The following TOR1AIP1 variants were observed in gnomAD, a reference collection of about 807,000 sequenced individuals.
TOR1AIP1 encodes the protein torsin-1A-interacting protein 1.
TOR1AIP1 carries 54 observed loss-of-function variants against 63.3 expected under a neutral mutation model. The ratio of observed to expected loss-of-function variants is 0.85; its 90% CI spans 0.69 to 1.07. The LOEUF is 1.07. Among genes scored for constraint, TOR1AIP1 ranks in the 50% least tolerant of loss-of-function variants. The pLI, the probability that TOR1AIP1 is intolerant of heterozygous loss-of-function variation, is 0.00. For missense variants in TOR1AIP1, 736 were observed against 715.0 expected (o/e 1.03, Z -0.33); for synonymous variants, 294 against 273.5 (o/e 1.07, Z -0.74).
chr1:179,916,344 C>T (rs941284320), intron 9 of TOR1AIP1, among the ~76,000 whole-genome samples: 1 of 152,154 alleles, frequency 6.6e-6, no homozygotes, highest in Non-Finnish European at 1.5e-5. Flanking sequence ...CCCCCCTCCC[C>T]ACAAAATAGG....
chr1:179,887,866 T>G (rs1558038898), intron 2 of TOR1AIP1: 1 of 152,224 alleles, frequency 6.6e-6, no homozygotes, highest in Admixed American at 6.5e-5. Context: ...AGATAATTAT[T>G]GAGCACCTAC....
Position 179,882,515 on chromosome 1 carries a change from G to T in TOR1AIP1, c.13G>T (p.Gly5Trp), listed in dbSNP as rs1571718497. The T allele has an allele frequency of 2.6e-5, 38 of 1,453,938 alleles. No homozygotes were observed. Among genetic ancestry groups the T allele is most frequent in the Non-Finnish European group, 3.2e-5 (35 of 1,103,214 alleles). 90.1% of individuals were successfully genotyped at this position (1,453,938 alleles called of 1,614,324 possible). A position where few individuals can be genotyped will look rare whatever the true frequency, so the allele number is the denominator to read the frequency against. MAGD[G>W]RRAEAVREGW... ...TACGTCAACAACTATGGCGGGCGAC[G>T]GGCGGCGGGCAGAGGCGGTGCGGGA... is the stretch of plus-strand genomic sequence containing the variant. Residue 5 changes from glycine to tryptophan, a missense_variant, in exon 1 of 10, where the codon GGG (glycine) becomes TGG (tryptophan). Transcript: ENST00000606911.
At chr1:179,899,938 C>T (rs1436100621) in intron 3 of TOR1AIP1, among the ~76,000 whole-genome samples, 188 bp from the exon 4 acceptor site, 1 of 152,230 alleles carries the variant, frequency 6.6e-6, no homozygotes, top group African/African-American at 2.4e-5. Context: ...AGCCACTGCA[C>T]CCGGCCAATT....
At position 179,882,619 on chromosome 1, in the gene TOR1AIP1, C is replaced by T; in HGVS notation, c.117C>T (p.Ser39=). The part of the protein sequence containing the change: ...RGRLAPQNGG[S]SDAPAYRTPP... ...GGCTCGCCCCTCAAAATGGCGGCAG[C>T]AGCGATGCGCCTGCGTACAGAACTC... The change falls in exon 1 of 10, where the codon AGC becomes AGT. Residue 39 remains serine (S), a synonymous_variant. Coordinates refer to ENST00000606911, the MANE Select transcript of TOR1AIP1 (RefSeq NM_015602.4). 6.5e-7 allele frequency: 1 copy of T among 1,530,342 alleles called. No individual in the cohort carries two copies. Among genetic ancestry groups the T allele is most frequent in the Non-Finnish European group, 8.8e-7 (1 of 1,141,618 alleles). 94.8% of individuals were successfully genotyped at this position (1,530,342 alleles called of 1,614,324 possible).
chr1:179,902,768 G>A (rs1390561453), intron 5 of TOR1AIP1, among the ~76,000 whole-genome samples: 3 of 152,098 alleles, frequency 2.0e-5, no homozygotes, highest in Non-Finnish European at 2.9e-5. Flanking sequence ...TGTTGTGGGG[G>A]TTAAATTAAT....
chr1:179,916,668 G>C (rs761724569), intron 9 of TOR1AIP1, among the ~76,000 whole-genome samples: 1 of 148,826 alleles, frequency 6.7e-6, no homozygotes, highest in South Asian at 2.1e-4. Flanking sequence ...ATTATAACAC[G>C]TAGAAGATGT....
Position 179,882,614 on chromosome 1 carries a change from G to GGCA in TOR1AIP1, c.118_120dup (p.Ser40dup). On this transcript the variant is annotated inframe_insertion, in exon 1 of 10. Transcript: ENST00000606911. ...GGGCCGGCTCGCCCCTCAAAATGGC[G>GGCA]GCAGCAGCGATGCGCCTGCGTACAG... is the stretch of plus-strand genomic sequence containing the variant. 6.5e-7 allele frequency: 1 copy of GGCA among 1,529,334 alleles called. No homozygotes were observed. The highest frequency in any genetic ancestry group is 1.8e-4 in the Middle Eastern group (1 of 5,570). 94.7% of individuals were successfully genotyped at this position (1,529,334 alleles called of 1,614,324 possible). A position where few individuals can be genotyped will look rare whatever the true frequency, so the allele number is the denominator to read the frequency against.
chr1:179,914,820 A>C (rs1448482796), intron 9 of TOR1AIP1, among the ~76,000 whole-genome samples: 6 of 151,858 alleles, frequency 4.0e-5, no homozygotes, highest in African/African-American at 1.2e-4. Flanking sequence ...AAAATAGATT[A>C]ATGATGATTC....
intron 3 of TOR1AIP1, among the ~76,000 whole-genome samples, chr1:179,895,631 G>A (rs1182324706): frequency 1.3e-5 from 2 of 152,130 alleles, no homozygotes; most frequent in African/African-American, 4.8e-5. Context: ...CGGGCACGGT[G>A]TCTCACACCT....
chr1:179,901,774 A>T (rs908170677), intron 5 of TOR1AIP1, among the ~76,000 whole-genome samples: 43 of 152,110 alleles, frequency 2.8e-4, no homozygotes, highest in African/African-American at 1.0e-3. Flanking sequence ...GGATTTTCAA[A>T]TTCAAACCAA....
rs558324422 is a variant in TOR1AIP1, at chr1:179,897,165, C to G, written c.611-2961C>G. On this transcript the variant is annotated intron_variant, in intron 3 of 9. Coordinates refer to ENST00000606911, the MANE Select transcript of TOR1AIP1 (RefSeq NM_015602.4). ...AATTCTAAAAAAGGATCTTTAGTCACTAGATTAAATCCAGAAGTCTGAAAA... is the reference window on the plus strand; with the variant it reads ...AATTCTAAAAAAGGATCTTTAGTCAGTAGATTAAATCCAGAAGTCTGAAAA... 2.6e-5 allele frequency among the ~76,000 whole-genome samples: 4 copies of G among 152,114 alleles called. No homozygotes were observed. In the South Asian group the frequency reaches 8.3e-4, roughly 32 times the overall value.
chr1:179,913,947 C>G, intron 8 of TOR1AIP1, 51 bp from the exon 9 acceptor site: 2 of 1,505,582 alleles, frequency 1.3e-6, no homozygotes, highest in Non-Finnish European at 1.8e-6. Flanking sequence ...AATAAATACT[C>G]AAATTATGAA....
chr1:179,903,953 T>G lies in TOR1AIP1; in HGVS notation c.740-13T>G, dbSNP rs1212335123. 6.4e-7 allele frequency: 1 copy of G among 1,561,992 alleles called. No homozygotes were observed. Among genetic ancestry groups the G allele is most frequent in the Non-Finnish European group, 8.8e-7 (1 of 1,138,258 alleles). On this transcript the variant is annotated splice_polypyrimidine_tract_variant and intron_variant, in intron 5 of 9. Transcript: ENST00000606911. The stretch of plus-strand genomic sequence containing the variant: ...TGGATATTATTTATAGTGTACTGTT[T>G]TTTATTTTTTAGATAAAACCACCAG...
At chr1:179,907,303 C>CCTGT (rs926456204) in intron 6 of TOR1AIP1, among the ~76,000 whole-genome samples, 3 of 151,394 alleles carry the variant, frequency 2.0e-5, no homozygotes, top group Admixed American at 2.0e-4. Context: ...GTGGTGCACA[C>CCTGT]CTGTAATCCC....
chr1:179,911,338 C>G (rs903007834), intron 8 of TOR1AIP1, among the ~76,000 whole-genome samples: 1 of 152,102 alleles, frequency 6.6e-6, no homozygotes, highest in African/African-American at 2.4e-5. Context: ...TATTTCTGCC[C>G]GCTTTGGTGA....
intron 6 of TOR1AIP1, among the ~76,000 whole-genome samples, chr1:179,904,324 A>G (rs1047643495): frequency 3.9e-5 from 6 of 152,238 alleles, no homozygotes; most frequent in African/African-American, 1.4e-4. Context: ...AGACTAATGT[A>G]GTAGTTTGAG....
chr1:179,892,904 A>T (rs893716416), intron 3 of TOR1AIP1, among the ~76,000 whole-genome samples: 2 of 152,174 alleles, frequency 1.3e-5, no homozygotes, highest in Non-Finnish European at 2.9e-5. Context: ...TTGTAAATTT[A>T]AAAAAGAGAT....
intron 1 of TOR1AIP1, chr1:179,884,081 CA>C (rs967793437): frequency 2.2e-4 from 35 of 162,442 alleles, no homozygotes; most frequent in African/African-American, 7.7e-4. Context: ...AAAGTTATGT[CA>C]GTTATTTTTG....
chr1:179,883,274 C>T (rs1647799740), intron 1 of TOR1AIP1, among the ~76,000 whole-genome samples: 1 of 152,208 alleles, frequency 6.6e-6, no homozygotes, highest in Admixed American at 6.5e-5. Context: ...CCTTTTTCTG[C>T]AGGCCTTCAC....
Sources: allele counts gnomAD v4.1 joint callset (sites outside exome capture counted in the v4.1 genomes callset), GRCh38; gene constraint gnomAD v4.1.1; transcripts MANE v1.5; gene names NCBI Gene and HGNC (gene_info 2026-07-23, HGNC 2026-07-21).